Variants in LMBR1 observed in about 807,000 individuals in gnomAD.
The protein encoded by LMBR1 is limb development membrane protein 1.
LMBR1 carries 52 observed loss-of-function variants against 73.9 expected under a neutral mutation model. The observed-to-expected ratio is 0.70, with a 90% confidence interval of 0.56 to 0.89. The LOEUF (loss-of-function observed/expected upper bound fraction) is 0.89. Ranked by LOEUF, LMBR1 falls within the 40% of genes least tolerant of loss-of-function variation. The pLI is 0.00. For synonymous variants in LMBR1, 215 were observed against 209.4 expected, an observed-to-expected ratio of 1.03 and a Z score of -0.23; for missense variants, 539 against 579.8, an observed-to-expected ratio of 0.93 and a Z score of 0.72.
At position 156,694,346 on chromosome 7, in the gene LMBR1, C is replaced by T. The variant is rs1036848820; in HGVS notation, c.1226-6155G>A. Among the ~76,000 whole-genome samples the T allele has an allele frequency of 5.3e-5, 8 of 152,050 alleles. No homozygotes were observed. In the East Asian group the frequency reaches 1.2e-3, roughly 22 times the overall value. On this transcript the variant is annotated intron_variant, in intron 15 of 16. Transcript: ENST00000353442. ...CAGGGTCTCATTTTGTTGCCCAGGC[C>T]GGTCTTGAACTCCTGGACTCAAGCT...
intron 15 of LMBR1, among the ~76,000 whole-genome samples, chr7:156,689,783 T>C (rs1046586674): frequency 6.6e-6 from 1 of 152,208 alleles, no homozygotes; most frequent in Non-Finnish European, 1.5e-5. Context: ...TTGGCTACAG[T>C]TTCTCAGCTA....
intron 1 of LMBR1, among the ~76,000 whole-genome samples, chr7:156,877,654 T>C (rs906865723): frequency 1.3e-5 from 2 of 151,274 alleles, no homozygotes; most frequent in Non-Finnish European, 2.9e-5. Context: ...GAGGCCGAGG[T>C]GGGCGGATCA....
intron 15 of LMBR1, among the ~76,000 whole-genome samples, chr7:156,697,331 C>T (rs1170739103): frequency 7.9e-5 from 12 of 152,146 alleles, no homozygotes; most frequent in South Asian, 2.1e-4. Flanking sequence ...GTCTGTTCAG[C>T]GGTGCACATA....
intron 4 of LMBR1, among the ~76,000 whole-genome samples, chr7:156,824,832 G>A (rs868361162): frequency 2.7e-5 from 4 of 150,358 alleles, no homozygotes; most frequent in Middle Eastern, 3.4e-3. Flanking sequence ...GCGACAGAGC[G>A]AGACCCTGTC....
intron 15 of LMBR1, among the ~76,000 whole-genome samples, chr7:156,698,027 T>A (rs1057175756): frequency 2.6e-5 from 4 of 152,168 alleles, no homozygotes; most frequent in African/African-American, 9.7e-5. Flanking sequence ...GATACAGGCA[T>A]TGGGTAAATA....
intron 9 of LMBR1, among the ~76,000 whole-genome samples, chr7:156,739,201 T>C (rs546868372): frequency 7.9e-5 from 12 of 152,236 alleles, no homozygotes; most frequent in African/African-American, 2.9e-4. Context: ...GAACTCCCCA[T>C]GGGCTGGCAG....
downstream of LMBR1, among the ~76,000 whole-genome samples, chr7:156,675,469 G>C (rs1346850841): frequency 6.6e-6 from 1 of 152,126 alleles, no homozygotes; most frequent in East Asian, 1.9e-4. Flanking sequence ...CCGTATTTTG[G>C]GGTAGTGTGT....
At chr7:156,778,536 T>C (rs1826556148) in intron 5 of LMBR1, among the ~76,000 whole-genome samples, 1 of 152,186 alleles carries the variant, frequency 6.6e-6, no homozygotes. Flanking sequence ...AAAAGATAAA[T>C]ATGTTCATTA....
At chr7:156,818,094 A>G (rs745588583) in intron 4 of LMBR1, among the ~76,000 whole-genome samples, 3 of 152,214 alleles carry the variant, frequency 2.0e-5, no homozygotes, top group Non-Finnish European at 2.9e-5. Context: ...ACAACAGTAC[A>G]TTAAAATTTA....
intron 15 of LMBR1, among the ~76,000 whole-genome samples, chr7:156,701,064 G>A (rs1343395291): frequency 6.6e-6 from 1 of 152,028 alleles, no homozygotes; most frequent in Non-Finnish European, 1.5e-5. Context: ...CAAGGGAAAG[G>A]CCTGCCCCCA....
intron 14 of LMBR1, 27 bp downstream of exon 14, chr7:156,725,408 C>A (rs1815523994): frequency 1.4e-6 from 2 of 1,401,906 alleles, no homozygotes; most frequent in East Asian, 2.3e-5. Flanking sequence ...AAACGAGAGG[C>A]CACAGTCACC....
intron 15 of LMBR1, among the ~76,000 whole-genome samples, chr7:156,722,851 G>A (rs1463432338): frequency 6.6e-6 from 1 of 151,742 alleles, no homozygotes; most frequent in African/African-American, 2.4e-5. Context: ...CCATAAAATC[G>A]GTATATATTA....
chr7:156,842,028 G>C (rs1838794884), intron 1 of LMBR1, among the ~76,000 whole-genome samples: 1 of 143,222 alleles, frequency 7.0e-6, no homozygotes, highest in Admixed American at 7.1e-5. Context: ...GGAGAACAAG[G>C]AGGAGACAGA....
At chr7:156,774,243 G>A (rs1042564678) in intron 5 of LMBR1, among the ~76,000 whole-genome samples, 1 of 152,158 alleles carries the variant, frequency 6.6e-6, no homozygotes, top group East Asian at 1.9e-4. Flanking sequence ...CAGAGAAAAG[G>A]GAATCCTCAT....
chr7:156,709,903 T>TC (rs1329279907), intron 15 of LMBR1, among the ~76,000 whole-genome samples: 1 of 124,660 alleles, frequency 8.0e-6, no homozygotes, highest in East Asian at 2.2e-4. Context: ...TTGATTTTTT[T>TC]TTTTTTTTTT....
chr7:156,796,726 T>C (rs868019907), intron 4 of LMBR1, among the ~76,000 whole-genome samples: 8 of 152,150 alleles, frequency 5.3e-5, no homozygotes, highest in Non-Finnish European at 1.2e-4. Context: ...TGCCCTAAAG[T>C]AAATTCACTA....
intron 4 of LMBR1, among the ~76,000 whole-genome samples, chr7:156,809,432 T>G (rs1832710331): frequency 6.6e-6 from 1 of 152,210 alleles, no homozygotes; most frequent in Admixed American, 6.5e-5. Context: ...CTCAAGTCCC[T>G]TATGTAAAAT....
At chr7:156,849,584 G>T (rs2134058988) in intron 1 of LMBR1, among the ~76,000 whole-genome samples, 1 of 152,268 alleles carries the variant, frequency 6.6e-6, no homozygotes, top group East Asian at 1.9e-4. Context: ...ATTTGAAATG[G>T]CAACATTTGT....
chr7:156,708,449 A>G (rs2132149820), intron 15 of LMBR1, among the ~76,000 whole-genome samples: 1 of 152,104 alleles, frequency 6.6e-6, no homozygotes, highest in South Asian at 2.1e-4. Flanking sequence ...CACAAAAAAT[A>G]AAAGCAGCAT....
Sources: allele counts gnomAD v4.1 joint callset (sites outside exome capture counted in the v4.1 genomes callset), GRCh38; gene constraint gnomAD v4.1.1; transcripts MANE v1.5; gene names NCBI Gene and HGNC (gene_info 2026-07-23, HGNC 2026-07-21).